The following OR1B1 variants were observed in gnomAD, a reference collection of about 807,000 sequenced individuals.
The protein encoded by OR1B1 is olfactory receptor family 1 subfamily B member 1.
For missense variants in OR1B1, 414 were observed against 402.1 expected (o/e 1.03, Z -0.25); for synonymous variants, 168 against 156.2 (o/e 1.08, Z -0.57).
Position 122,628,768 on chromosome 9 carries a change from G to A in OR1B1, c.768C>T (p.Phe256=), listed in dbSNP as rs115130172. Residue 256 remains phenylalanine, a synonymous_variant, in exon 1 of 1, where the codon TTC becomes TTT. Transcript: ENST00000623530. ...AGACACAAATGATGGTGCCGTAGAG[G>A]AAACCAACCATGGTGAGGTGGGATC... 1,648 of 1,614,138 alleles carry A rather than the reference G, an allele frequency of 1.0e-3. 8 individuals carry two copies. The African/African-American group carries it at 0.018, about 17-fold the overall frequency.
downstream of OR1B1, chr9:122,628,456 G>A: frequency 1.5e-6 from 1 of 676,418 alleles, no homozygotes; most frequent in South Asian, 1.9e-5. Flanking sequence ...ATTGACAAGA[G>A]CCAAATCTGG....
the OR1B1 span, among the ~76,000 whole-genome samples, chr9:122,641,848 T>C: frequency 6.6e-6 from 1 of 152,174 alleles, no homozygotes; most frequent in South Asian, 2.1e-4. Context: ...ATGTTGTATA[T>C]TATAAATCTA....
the OR1B1 span, among the ~76,000 whole-genome samples, chr9:122,649,580 T>C: frequency 1.3e-5 from 2 of 152,208 alleles, no homozygotes; most frequent in East Asian, 1.9e-4. Flanking sequence ...CATCAAAAAG[T>C]GGGCAAAGGA....
chr9:122,628,746 C>T, exon 1 of OR1B1: 1 of 1,614,052 alleles, frequency 6.2e-7, no homozygotes, highest in Non-Finnish European at 8.5e-7. Context: ...TGGAAGTAGA[C>T]ACAAATGATG....
chr9:122,634,596 G>T, the OR1B1 span, among the ~76,000 whole-genome samples: 1 of 151,986 alleles, frequency 6.6e-6, no homozygotes, highest in Non-Finnish European at 1.5e-5. Flanking sequence ...ACTATCACGA[G>T]AACAGCATGG....
the OR1B1 span, among the ~76,000 whole-genome samples, chr9:122,656,567 A>G: frequency 2.5e-3 from 374 of 152,252 alleles, 2 homozygotes; most frequent in African/African-American, 8.5e-3. Context: ...ACCTTCCACA[A>G]TGGGATAACC....
chr9:122,632,382 G>A (rs115646062), upstream of OR1B1, among the ~76,000 whole-genome samples: 408 of 152,246 alleles, frequency 2.7e-3, 3 homozygotes, highest in African/African-American at 9.3e-3. Context: ...CAATGGATGG[G>A]TTAGACAGTG....
the OR1B1 span, among the ~76,000 whole-genome samples, chr9:122,650,683 A>T: frequency 6.6e-6 from 1 of 152,116 alleles, no homozygotes; most frequent in African/African-American, 2.4e-5. Context: ...CATAAAAATG[A>T]TATCACCTAA....
chr9:122,641,312 A>T, the OR1B1 span, among the ~76,000 whole-genome samples: 1 of 152,226 alleles, frequency 6.6e-6, no homozygotes, highest in Non-Finnish European at 1.5e-5. Flanking sequence ...CTGAAATGTG[A>T]ATTTACTGTT....
chr9:122,628,730 G>A (rs1224402728), exon 1 of OR1B1: 7 of 1,614,034 alleles, frequency 4.3e-6, no homozygotes, highest in Non-Finnish European at 5.9e-6. Flanking sequence ...GTTCTGGAAG[G>A]GAGGCTGGAA....
At chr9:122,637,028 G>C in the OR1B1 span, 3 of 152,124 alleles carry the variant, frequency 2.0e-5, no homozygotes, top group South Asian at 2.1e-4. Flanking sequence ...CTCATTTTTA[G>C]GTACTAAAAT....
upstream of OR1B1, among the ~76,000 whole-genome samples, chr9:122,633,395 C>T (rs990237501): frequency 3.9e-5 from 6 of 152,092 alleles, no homozygotes; most frequent in African/African-American, 1.4e-4. Flanking sequence ...TTTTGGCAAT[C>T]ATTTTCTGGA....
At chr9:122,656,056 T>C in the OR1B1 span, among the ~76,000 whole-genome samples, 1 of 152,250 alleles carries the variant, frequency 6.6e-6, no homozygotes, top group East Asian at 1.9e-4. Context: ...AAAATGGGTA[T>C]ACTAATAGGA....
At chr9:122,644,681 G>C in the OR1B1 span, among the ~76,000 whole-genome samples, 1 of 152,124 alleles carries the variant, frequency 6.6e-6, no homozygotes, top group South Asian at 2.1e-4. Context: ...AAGAATAAGA[G>C]TCTCTGCCTG....
the OR1B1 span, among the ~76,000 whole-genome samples, chr9:122,655,325 C>G: frequency 6.6e-6 from 1 of 152,162 alleles, no homozygotes; most frequent in Non-Finnish European, 1.5e-5. Context: ...GGGGTCCAGA[C>G]TGTTCCTGAC....
chr9:122,629,026 C>G lies in OR1B1; in HGVS notation c.510G>C (p.Trp170Cys). Residue 170 changes from tryptophan (W) to cysteine (C), a missense_variant, in exon 1 of 1, where the codon TGG (tryptophan) becomes TGC (cysteine). Coordinates refer to ENST00000623530, the Ensembl canonical transcript of OR1B1. The stretch of plus-strand genomic sequence containing the variant: ...TAACGTTGCCCCCAGCATCCCCAGT[C>G]CAGCAAAGAGGCAGGACGAGTCCCA... The G allele has an allele frequency of 5.6e-6, 9 of 1,614,032 alleles. No homozygotes were observed. The highest frequency in any genetic ancestry group is 7.6e-6 in the Non-Finnish European group (9 of 1,180,000).
At chr9:122,651,765 T>C in the OR1B1 span, among the ~76,000 whole-genome samples, 1 of 152,208 alleles carries the variant, frequency 6.6e-6, no homozygotes, top group Non-Finnish European at 1.5e-5. Context: ...TTTTTATTTG[T>C]TGTGAGTTCA....
the OR1B1 span, chr9:122,637,232 G>A: frequency 6.6e-6 from 1 of 152,178 alleles, no homozygotes; most frequent in South Asian, 2.1e-4. Context: ...AAGGGAAACG[G>A]AAAGGTAAGG....
chr9:122,655,995 A>G, the OR1B1 span, among the ~76,000 whole-genome samples: 48 of 152,176 alleles, frequency 3.2e-4, no homozygotes, highest in Non-Finnish European at 1.5e-4. Flanking sequence ...ATAATATTAC[A>G]TGGGGAAATA....
Sources: allele counts gnomAD v4.1 joint callset (sites outside exome capture counted in the v4.1 genomes callset), GRCh38; gene constraint gnomAD v4.1.1; transcripts MANE v1.5; gene names NCBI Gene and HGNC (gene_info 2026-07-23, HGNC 2026-07-21).